ABCA3: variants seen among roughly 807,000 people sequenced by gnomAD.
ABCA3 encodes ATP binding cassette subfamily A member 3.
ABCA3 carries 88 observed loss-of-function variants against 172.8 expected under a neutral mutation model. The ratio of observed to expected loss-of-function variants is 0.51; its 90% CI spans 0.43 to 0.61. The LOEUF is 0.61. Ranked by LOEUF, ABCA3 falls within the 20% of genes least tolerant of loss-of-function variation. The pLI, the probability that ABCA3 is intolerant of heterozygous loss-of-function variation, is 0.00. For synonymous variants in ABCA3, 1,066 were observed against 983.8 expected (o/e 1.08, Z -1.56); for missense variants, 2,164 against 2,301.0 (o/e 0.94, Z 1.22).
At position 2,283,464 on chromosome 16, in the gene ABCA3, C is replaced by A; in HGVS notation, c.3863-106G>T. 1 of 1,328,410 alleles carries A rather than the reference C, an allele frequency of 7.5e-7. No individual in the cohort carries two copies. Among genetic ancestry groups the A allele is most frequent in the Non-Finnish European group, 1.0e-6 (1 of 964,656 alleles). 82.3% of individuals were successfully genotyped at this position (1,328,410 alleles called of 1,614,324 possible). ...CCCAGGCTGCTCAAGGCGCCTGTAA[C>A]AATGTCCCCTCCATGGGGAGATGTG... is the stretch of plus-strand genomic sequence containing the variant. On this transcript the variant is annotated intron_variant, in intron 25 of 32. Transcript: ENST00000301732. This position sits in a 1 kb window ranked among gnomAD's most constrained non-coding sequence, Gnocchi z 5.4.
rs950465603 is a variant in ABCA3 at position 2,278,036 on chromosome 16, CA to C, written c.4751del (p.Leu1584ArgfsTer50). ...MEECEALCTRLAIMVQGQFKC... is the reference protein window; with the variant it reads ...MEECEALCTRXAIMVQGQFKC... The stretch of plus-strand genomic sequence containing the variant: ...TGAACTGCCCCTGCACCATGATGGC[CA>C]GCCGGGTGCACAGGGCCTCACACTC... On this transcript the variant is annotated frameshift_variant, in exon 31 of 33. Transcript: ENST00000301732. LOFTEE classifies it high-confidence loss of function. This position sits in a 1 kb window ranked among gnomAD's most constrained non-coding sequence, Gnocchi z 4.4. 1.1e-5 allele frequency: 18 copies of C among 1,613,438 alleles called. No individual in the cohort carries two copies. The highest frequency in any genetic ancestry group is 1.5e-5 in the Non-Finnish European group (18 of 1,180,026).
At chr16:2,309,736 G>A (rs971084231) in intron 10 of ABCA3, among the ~76,000 whole-genome samples, 8 of 152,100 alleles carry the variant, frequency 5.3e-5, no homozygotes, top group Non-Finnish European at 5.9e-5. Context: ...TCCCACCTCC[G>A]GCTAGGGAGA....
Position 2,323,609 on chromosome 16 carries a change from G to A in ABCA3, c.527C>T (p.Thr176Ile), listed in dbSNP as rs1046277331. 3 of 1,614,134 alleles carry A rather than the reference G, an allele frequency of 1.9e-6. No individual in the cohort carries two copies. The highest frequency in any genetic ancestry group is 2.5e-6 in the Non-Finnish European group (3 of 1,180,020). ...AAGGGAAGTAGTGTGCCAGCCTTCT[G>A]TCTCTTTCAGGAAAAAGGAGCCTGT... is the stretch of plus-strand genomic sequence containing the variant. The part of the protein sequence containing the change: ...TQTGSFFLKE[T>I]EGWHTTSLFP... Residue 176 changes from threonine (T) to isoleucine (I), a missense_variant, in exon 7 of 33, where the codon ACA becomes ATA. Thr to Ile is a moderately conservative substitution (Grantham distance 89). Transcript: ENST00000301732.
rs543968985 is a variant in ABCA3 at position 2,332,038 on chromosome 16, G to A, written c.-538-2184C>T. On this transcript the variant is annotated intron_variant, in intron 1 of 32. Coordinates refer to ENST00000301732, the MANE Select transcript of ABCA3 (RefSeq NM_001089.3). ...TGTTTTTTAGGTAAGCAACTGACTC[G>A]GTGCAGAGTGAGCGCATACTGCAGG... Among the ~76,000 whole-genome samples the A allele has an allele frequency of 2.0e-3, 298 of 152,204 alleles. 1 individual carries two copies. The highest frequency in any genetic ancestry group is 6.6e-3 in the African/African-American group (273 of 41,550).
At chr16:2,298,287 C>G in intron 15 of ABCA3, 99 bp downstream of exon 15, 1 of 1,564,082 alleles carries the variant, frequency 6.4e-7, no homozygotes, top group Non-Finnish European at 8.8e-7. Flanking sequence ...CTCCTGCCCT[C>G]CTGGCTCCCT....
At chr16:2,292,497 G>A (rs910867854) in intron 18 of ABCA3, among the ~76,000 whole-genome samples, 3 of 152,040 alleles carry the variant, frequency 2.0e-5, no homozygotes, top group African/African-American at 7.3e-5. Flanking sequence ...CTACTCAGAA[G>A]GCAGAGGCAG....
Position 2,319,766 on chromosome 16 carries a change from C to G in ABCA3, c.688G>C (p.Ala230Pro), listed in dbSNP as rs199567944. The G allele has an allele frequency of 4.3e-6, 7 of 1,613,906 alleles. No homozygotes were observed. Among genetic ancestry groups the G allele is most frequent in the Non-Finnish European group, 5.9e-6 (7 of 1,180,020 alleles). The change falls in exon 8 of 33, where the codon GCC (alanine) becomes CCC (proline). Residue 230 changes from alanine to proline, a missense_variant. By Grantham distance (27) the Ala-to-Pro change is conservative (BLOSUM62 -1). This residue lies in a region of ABCA3 where 1,343 missense variants were observed against 1,369.6 expected (regional missense o/e 0.98). Transcript: ENST00000301732. ...AGTCTCTGGAACAGCTGGCGTGTGGCGGCATCGGCATGGTACTCCATGATG... is the reference window on the plus strand; with the variant it reads ...AGTCTCTGGAACAGCTGGCGTGTGGGGGCATCGGCATGGTACTCCATGATG... ...RAIMEYHADAATRQLFQRLTV... is the reference protein window; with the variant it reads ...RAIMEYHADAPTRQLFQRLTV...
rs60749045 is a variant in ABCA3, at chr16:2,333,983, C to T, written c.-538-4129G>A. Among the ~76,000 whole-genome samples the T allele has an allele frequency of 6.2e-3, 939 of 152,300 alleles. 9 individuals are homozygous for T. Among genetic ancestry groups the T allele is most frequent in the African/African-American group, 0.021 (881 of 41,556 alleles). Reference sequence around the variant, plus strand: ...CTGGGATTACAGGCATGAGCCACCACGCCTGGCCGATGATAACATTCTTAA... The same window carrying T: ...CTGGGATTACAGGCATGAGCCACCATGCCTGGCCGATGATAACATTCTTAA... On this transcript the variant is annotated intron_variant, in intron 1 of 32. Transcript: ENST00000301732.
intron 19 of ABCA3, among the ~76,000 whole-genome samples, chr16:2,290,020 C>T (rs1049596668): frequency 2.0e-5 from 3 of 150,770 alleles, no homozygotes; most frequent in Non-Finnish European, 2.9e-5. Flanking sequence ...TAGAGCTCCC[C>T]GCCGATTAGG....
chr16:2,339,128 C>T (rs928685020), intron 1 of ABCA3: 2 of 152,242 alleles, frequency 1.3e-5, no homozygotes, highest in Admixed American at 6.5e-5. Context: ...AATGCTTCCC[C>T]TCAATAGATT....
intron 28 of ABCA3, 116 bp downstream of exon 28, chr16:2,280,911 T>C: frequency 3.6e-6 from 5 of 1,399,910 alleles, no homozygotes; most frequent in Non-Finnish European, 5.0e-6. Flanking sequence ...CTGGGCCCAT[T>C]TCAAGCCACA....
intron 8 of ABCA3, among the ~76,000 whole-genome samples, chr16:2,318,141 A>T (rs4786271): frequency 0.12 from 18,041 of 152,212 alleles, 1,608 homozygotes; most frequent in East Asian, 0.38. Context: ...CCAGTTCCCA[A>T]CCACGTCAAC....
intron 17 of ABCA3, among the ~76,000 whole-genome samples, chr16:2,296,151 T>C (rs2093679434): frequency 6.6e-6 from 1 of 152,094 alleles, no homozygotes; most frequent in Admixed American, 6.5e-5. Context: ...AGCTACCGGC[T>C]GCAAGACCGC....
Position 2,289,447 on chromosome 16 carries a change from T to C in ABCA3, c.2687A>G (p.Lys896Arg). Residue 896 changes from lysine to arginine, a missense_variant, in exon 20 of 33, where the codon AAG becomes AGG. By Grantham distance (26) the Lys-to-Arg change is conservative (BLOSUM62 2). Coordinates refer to ENST00000301732, the MANE Select transcript of ABCA3 (RefSeq NM_001089.3). The part of the protein sequence containing the change: ...ALIEEERTAV[K>R]LNTGLALHCQ... ...CTGGGCACTCACCCCAGTGTTGAGC[T>C]TGACAGCGGTGCGCTCCTCCTCGAT... 6.4e-7 allele frequency: 1 copy of C among 1,571,690 alleles called. No individual in the cohort carries two copies. Among genetic ancestry groups the C allele is most frequent in the Non-Finnish European group, 8.6e-7 (1 of 1,160,068 alleles).
chr16:2,318,732 T>C (rs543656242), intron 8 of ABCA3, among the ~76,000 whole-genome samples: 2 of 152,192 alleles, frequency 1.3e-5, no homozygotes, highest in Middle Eastern at 3.4e-3. Context: ...AGGCTGGTCT[T>C]GAACTCCTCA....
chr16:2,298,254 C>A, intron 15 of ABCA3, 132 bp downstream of exon 15: 1 of 1,437,086 alleles, frequency 7.0e-7, no homozygotes, highest in Non-Finnish European at 9.6e-7. Flanking sequence ...CTCTCCTTGA[C>A]GTAGCTGGAC....
intron 13 of ABCA3, 68 bp downstream of exon 13, chr16:2,299,937 G>A (rs2093686274): frequency 6.2e-7 from 1 of 1,601,190 alleles, no homozygotes; most frequent in Admixed American, 1.7e-5. Flanking sequence ...AGGTCTCACT[G>A]CCGTGCTGGT....
In ABCA3 at chr16:2,298,043, G is replaced by A. The variant is rs1335818310; in HGVS notation, c.1897-122C>T. ...GCTGGGGAGATGCAGGGCTCCTGGC[G>A]GGAGGCCGACCACGGCCAGCAAGGT... is the stretch of plus-strand genomic sequence containing the variant. On this transcript the variant is annotated intron_variant, in intron 15 of 32. Coordinates refer to ENST00000301732, the MANE Select transcript of ABCA3 (RefSeq NM_001089.3). 66 of 761,348 alleles carry A rather than the reference G, an allele frequency of 8.7e-5. 14 individuals are homozygous for A. The Middle Eastern group carries it at 1.2e-3, about 13-fold the overall frequency. 47.2% of individuals were successfully genotyped at this position (761,348 alleles called of 1,614,324 possible).
Position 2,321,557 on chromosome 16 carries a change from A to G in ABCA3, c.614-1717T>C, listed in dbSNP as rs573713486. 2.0e-5 allele frequency among the ~76,000 whole-genome samples: 3 copies of G among 152,140 alleles called. No homozygotes were observed. The East Asian group carries it at 5.8e-4, about 29-fold the overall frequency. ...TACGACGTTCTCCAGAACACCCTGGACTTCCACCCAGAACCTGCAGTGGGG... is the reference window on the plus strand; with the variant it reads ...TACGACGTTCTCCAGAACACCCTGGGCTTCCACCCAGAACCTGCAGTGGGG... On this transcript the variant is annotated intron_variant, in intron 7 of 32. Transcript: ENST00000301732.
Sources: gnomAD v4.1 joint callset for allele counts (sites outside exome capture counted in the v4.1 genomes callset) on GRCh38, gnomAD v4.1.1 for gene constraint, gnomAD v4.1.1 regional missense constraint, Gnocchi (gnomAD v3.1) non-coding constraint, MANE v1.5 for transcripts, NCBI Gene and HGNC (gene_info 2026-07-23, HGNC 2026-07-21) for gene names.